Variants in MITF observed in about 807,000 individuals in gnomAD.
MITF encodes microphthalmia-associated transcription factor.
Under a neutral mutation model 60.5 loss-of-function variants are expected in MITF, and 17 were observed. The observed-to-expected ratio is 0.28, with a 90% confidence interval of 0.19 to 0.42. The LOEUF is 0.42. Ranked by LOEUF, MITF falls within the 10% of genes least tolerant of loss-of-function variation. The pLI is 1.00. For synonymous variants in MITF, 260 were observed against 248.5 expected (o/e 1.05, Z -0.43); for missense variants, 622 against 683.5 (o/e 0.91, Z 1.00).
At chr3:69,757,566 G>A (rs948195411) in intron 1 of MITF, among the ~76,000 whole-genome samples, 3 of 152,264 alleles carry the variant, frequency 2.0e-5, no homozygotes, top group African/African-American at 4.8e-5. Flanking sequence ...CTGCATTTTA[G>A]TGAGAGTACA....
chr3:69,904,868 C>G (rs2065064303), intron 2 of MITF, among the ~76,000 whole-genome samples: 1 of 152,178 alleles, frequency 6.6e-6, no homozygotes. Context: ...ACCCAGCTCA[C>G]AGGCTGGTAG....
intron 9 of MITF, among the ~76,000 whole-genome samples, chr3:69,962,064 C>T (rs1206810346): frequency 2.0e-5 from 3 of 152,288 alleles, no homozygotes; most frequent in East Asian, 1.9e-4. Flanking sequence ...ATGCTTTAAT[C>T]GCTGATAAAT....
At chr3:69,814,423 G>A (rs2063149007) in intron 1 of MITF, among the ~76,000 whole-genome samples, 1 of 152,054 alleles carries the variant, frequency 6.6e-6, no homozygotes, top group South Asian at 2.1e-4. Flanking sequence ...TAATTTCCCA[G>A]GCTCAAGCGA....
chr3:69,874,612 A>G (rs1015463622), intron 1 of MITF, among the ~76,000 whole-genome samples: 1 of 152,208 alleles, frequency 6.6e-6, no homozygotes, highest in Non-Finnish European at 1.5e-5. Flanking sequence ...CTGCCTGAGG[A>G]GTGGACTAAA....
intron 1 of MITF, among the ~76,000 whole-genome samples, chr3:69,773,383 G>A (rs958914788): frequency 1.3e-5 from 2 of 152,184 alleles, no homozygotes. Context: ...CTAGCTAAAG[G>A]AGTAGCATGA....
At chr3:69,796,626 C>T (rs1334351236) in intron 1 of MITF, among the ~76,000 whole-genome samples, 1 of 150,612 alleles carries the variant, frequency 6.6e-6, no homozygotes, top group African/African-American at 2.4e-5. Context: ...GCTGCCTCAG[C>T]CTCCCAAGTA....
At position 69,834,086 on chromosome 3, in the gene MITF, CGT is replaced by C. The variant is rs1491074247; in HGVS notation, c.105-45041_105-45040del. Reference sequence around the variant, plus strand: ...ATGGGTATAATTTGATGTTTTGACACGTGTGTGTTGCATAATGATCAAATCAG... The same window carrying C: ...ATGGGTATAATTTGATGTTTTGACACGTGTGTTGCATAATGATCAAATCAG... On this transcript the variant is annotated intron_variant, in intron 1 of 9. Transcript: ENST00000352241. Among the ~76,000 whole-genome samples, 22 of 152,050 alleles carry C rather than the reference CGT, an allele frequency of 1.4e-4. No individual in the cohort carries two copies. In the Middle Eastern group the frequency reaches 0.014, roughly 94 times the overall value.
chr3:69,912,280 G>A (rs1217191118), intron 2 of MITF, among the ~76,000 whole-genome samples: 1 of 152,152 alleles, frequency 6.6e-6, no homozygotes, highest in Non-Finnish European at 1.5e-5. Flanking sequence ...GGGAGGGAGA[G>A]CAGGGAACTT....
intron 1 of MITF, among the ~76,000 whole-genome samples, chr3:69,761,190 T>C (rs1663667085): frequency 6.6e-6 from 1 of 151,998 alleles, no homozygotes; most frequent in African/African-American, 2.4e-5. Flanking sequence ...AAAAAAATTC[T>C]TTCTGTGTTA....
At chr3:69,889,576 T>C (rs916623570) in intron 2 of MITF, among the ~76,000 whole-genome samples, 3 of 152,020 alleles carry the variant, frequency 2.0e-5, no homozygotes, top group African/African-American at 4.8e-5. Flanking sequence ...GTAATCAGTA[T>C]AAAAATTATT....
intron 1 of MITF, among the ~76,000 whole-genome samples, chr3:69,837,295 AC>A (rs935417859): frequency 6.6e-6 from 1 of 152,242 alleles, no homozygotes; most frequent in Non-Finnish European, 1.5e-5. Context: ...AAAAGATAAT[AC>A]GTGTCCACTT....
At chr3:69,756,319 T>C (rs1462749773) in intron 1 of MITF, among the ~76,000 whole-genome samples, 1 of 152,124 alleles carries the variant, frequency 6.6e-6, no homozygotes, top group Non-Finnish European at 1.5e-5. Context: ...GTGTGTGATG[T>C]TCCCCTCCCT....
intron 1 of MITF, among the ~76,000 whole-genome samples, chr3:69,802,652 A>G (rs2062939731): frequency 7.1e-6 from 1 of 141,080 alleles, no homozygotes; most frequent in Admixed American, 7.1e-5. Context: ...CTTAGTGAGC[A>G]CCTACTGTGT....
chr3:69,796,045 A>G (rs7626718), intron 1 of MITF, among the ~76,000 whole-genome samples: 52,727 of 151,486 alleles, frequency 0.35, 9,929 homozygotes, highest in Non-Finnish European at 0.42. Context: ...GCAGTGGCAC[A>G]ATCTTGACTC....
chr3:69,804,319 ACCCCCT>A (rs1221266013), intron 1 of MITF, among the ~76,000 whole-genome samples: 1 of 107,730 alleles, frequency 9.3e-6, no homozygotes, highest in Non-Finnish European at 1.9e-5. Flanking sequence ...CCTCTCCCCT[ACCCCCT>A]TTCCCCTTTA....
intron 1 of MITF, among the ~76,000 whole-genome samples, chr3:69,826,610 A>C (rs979378128): frequency 6.6e-6 from 1 of 152,226 alleles, no homozygotes; most frequent in African/African-American, 2.4e-5. Context: ...TAGACAACTC[A>C]TTAACTGTTC....
chr3:69,832,910 C>T (rs1013806313), intron 1 of MITF, among the ~76,000 whole-genome samples: 6 of 152,118 alleles, frequency 3.9e-5, no homozygotes, highest in Non-Finnish European at 7.3e-5. Context: ...TGCTTAGTTA[C>T]ACTGTATGTG....
At chr3:69,815,890 G>T (rs1294805356) in intron 1 of MITF, among the ~76,000 whole-genome samples, 1 of 152,170 alleles carries the variant, frequency 6.6e-6, no homozygotes, top group Non-Finnish European at 1.5e-5. Context: ...TCTTTCAAGG[G>T]CTGTCTTTAA....
At chr3:69,787,283 A>G (rs1475518310) in intron 1 of MITF, among the ~76,000 whole-genome samples, 1 of 152,216 alleles carries the variant, frequency 6.6e-6, no homozygotes. Flanking sequence ...AGGAAGTGTG[A>G]AACCTAGAGG....
Sources: allele counts gnomAD v4.1 joint callset (sites outside exome capture counted in the v4.1 genomes callset), GRCh38; gene constraint gnomAD v4.1.1; transcripts MANE v1.5; gene names NCBI Gene and HGNC (gene_info 2026-07-23, HGNC 2026-07-21).